The following SLC22A9 variants were observed in gnomAD, a reference collection of about 807,000 sequenced individuals.
The protein encoded by SLC22A9 is organic anion transporter 7.
A neutral mutation model predicts 50.1 loss-of-function variants in SLC22A9; 64 were observed. The observed-to-expected ratio is 1.28, with a 90% confidence interval of 1.04 to 1.57. SLC22A9 has a LOEUF of 1.57. Among genes scored for constraint, SLC22A9 ranks in the 40% most tolerant of loss-of-function variants. The pLI is 0.00. For synonymous variants in SLC22A9, 261 were observed against 242.5 expected (o/e 1.08, Z -0.71); for missense variants, 757 against 676.1 (o/e 1.12, Z -1.33).
chr11:63,397,068 G>T (rs983081332), intron 6 of SLC22A9, among the ~76,000 whole-genome samples: 2 of 152,298 alleles, frequency 1.3e-5, no homozygotes, highest in East Asian at 3.9e-4. Context: ...TTTCATCACT[G>T]CAGACATATG....
chr11:63,372,479 A>C (rs2119861572), intron 2 of SLC22A9, among the ~76,000 whole-genome samples: 1 of 152,290 alleles, frequency 6.6e-6, no homozygotes, highest in African/African-American at 2.4e-5. Context: ...CAACAAAAAG[A>C]TTACATACTA....
chr11:63,383,877 T>C (rs1287377575), intron 6 of SLC22A9, among the ~76,000 whole-genome samples: 4 of 151,958 alleles, frequency 2.6e-5, no homozygotes, highest in Non-Finnish European at 1.5e-5. Flanking sequence ...AGTGAAACCC[T>C]GTCTCTACTA....
At chr11:63,396,085 G>C (rs2014850520) in intron 6 of SLC22A9, among the ~76,000 whole-genome samples, 1 of 152,126 alleles carries the variant, frequency 6.6e-6, no homozygotes, top group Non-Finnish European at 1.5e-5. Context: ...CTGTTTTCCA[G>C]GCAGTGAGTG....
chr11:63,402,620 G>A (rs1591027521), intron 6 of SLC22A9, among the ~76,000 whole-genome samples: 1 of 150,968 alleles, frequency 6.6e-6, no homozygotes, highest in African/African-American at 2.4e-5. Context: ...ATTTACCCAT[G>A]TAACAAACCT....
intron 6 of SLC22A9, among the ~76,000 whole-genome samples, chr11:63,392,176 T>C (rs994813291): frequency 6.6e-6 from 1 of 152,076 alleles, no homozygotes; most frequent in Non-Finnish European, 1.5e-5. Context: ...GTATTTTCCA[T>C]GTCTGAAATT....
chr11:63,396,323 G>T (rs1565187866), intron 6 of SLC22A9, among the ~76,000 whole-genome samples: 1 of 152,124 alleles, frequency 6.6e-6, no homozygotes, highest in South Asian at 2.1e-4. Context: ...AAAGTGCCAG[G>T]CAGGAATGGC....
At chr11:63,394,603 T>A (rs1172467111) in intron 6 of SLC22A9, among the ~76,000 whole-genome samples, 1 of 152,200 alleles carries the variant, frequency 6.6e-6, no homozygotes, top group Non-Finnish European at 1.5e-5. Flanking sequence ...TCTGTTAATC[T>A]GATAGGTTTT....
In SLC22A9 at chr11:63,409,959, G is replaced by T. The variant is rs1194564928; in HGVS notation, c.*97G>T. ...GCAAAATCTAGAAAATAAATAACAA[G>T]GCTGGGTGCGGTGGCTCACGCCTGT... is the stretch of plus-strand genomic sequence containing the variant. On this transcript the variant is annotated 3_prime_UTR_variant, in exon 10 of 10. Coordinates refer to ENST00000279178, the MANE Select transcript of SLC22A9 (RefSeq NM_080866.3). 2.2e-6 allele frequency: 3 copies of T among 1,390,940 alleles called. No individual in the cohort carries two copies. In the Admixed American group the frequency reaches 5.5e-5, roughly 25 times the overall value. 86.2% of individuals were successfully genotyped at this position (1,390,940 alleles called of 1,614,324 possible). A position where few individuals can be genotyped will look rare whatever the true frequency, so the allele number is the denominator to read the frequency against.
At chr11:63,408,025 C>G in intron 7 of SLC22A9, 87 bp from the exon 8 acceptor site, 1 of 1,066,126 alleles carries the variant, frequency 9.4e-7, no homozygotes. Flanking sequence ...GCAAACACCT[C>G]CAATACAGTC....
intron 6 of SLC22A9, among the ~76,000 whole-genome samples, chr11:63,385,762 CTTCCGATTCAAA>C (rs1193766645): frequency 6.6e-6 from 1 of 152,060 alleles, no homozygotes; most frequent in East Asian, 1.9e-4. Context: ...GACTTCCTCT[CTTCCGATTCAAA>C]TACCCTTTAT....
intron 6 of SLC22A9, among the ~76,000 whole-genome samples, chr11:63,399,579 G>C (rs563759661): frequency 1.3e-5 from 2 of 152,200 alleles, no homozygotes; most frequent in South Asian, 4.1e-4. Flanking sequence ...TAAAGAGATA[G>C]ACCCCAGTAC....
intron 6 of SLC22A9, among the ~76,000 whole-genome samples, chr11:63,384,243 GGTAT>G (rs1327617112): frequency 3.9e-5 from 6 of 152,078 alleles, no homozygotes; most frequent in African/African-American, 1.4e-4. Flanking sequence ...TCATCACCTA[GGTAT>G]TAAGCCCAGT....
At position 63,374,177 on chromosome 11, in the gene SLC22A9, C is replaced by G. The variant is rs1043034932; in HGVS notation, c.830+115C>G. The stretch of plus-strand genomic sequence containing the variant: ...GTGTAAACCTGAGAGCACGTCCTCT[C>G]ATAATCTGTGCTTGATGTGCAATAC... On this transcript the variant is annotated intron_variant, in intron 4 of 9. Transcript: ENST00000279178. The G allele has an allele frequency of 5.0e-5, 50 of 997,308 alleles. No homozygotes were observed. The Admixed American group carries it at 9.7e-4, about 19-fold the overall frequency. The allele number at this position is 997,308 out of a possible 1,614,324, so 61.8% of individuals were successfully genotyped here.
chr11:63,402,531 T>G (rs1214307551), intron 6 of SLC22A9, among the ~76,000 whole-genome samples: 1 of 152,106 alleles, frequency 6.6e-6, no homozygotes, highest in Non-Finnish European at 1.5e-5. Context: ...GTTGTGTAGT[T>G]TGAAATCAGG....
Position 63,408,190 on chromosome 11 carries a change from A to G in SLC22A9, c.1367A>G (p.His456Arg), listed in dbSNP as rs778341606. 6.2e-7 allele frequency: 1 copy of G among 1,613,720 alleles called. No individual in the cohort carries two copies. Among genetic ancestry groups the G allele is most frequent in the African/African-American group, 1.3e-5 (1 of 75,026 alleles). ...SALANTLAFAHGNEVIPTIIR... is the reference protein window; with the variant it reads ...SALANTLAFARGNEVIPTIIR... ...CTTGCCAATACCCTTGCTTTTGCCC[A>G]TGGAAATGAAGTAATTCCCACCATA... The change falls in exon 8 of 10, where the codon CAT (histidine) becomes CGT (arginine). Residue 456 changes from histidine to arginine, a missense_variant. His to Arg is a conservative substitution (Grantham distance 29). Transcript: ENST00000279178.
chr11:63,383,974 G>A lies in SLC22A9; in HGVS notation c.1073+1697G>A, dbSNP rs150612422. Among the ~76,000 whole-genome samples, 929 of 151,948 alleles carry A rather than the reference G, an allele frequency of 6.1e-3. 11 individuals carry two copies. Among genetic ancestry groups the A allele is most frequent in the African/African-American group, 0.021 (850 of 41,392 alleles). ...TGAGGTAGGAGAATCACTTCAACCCGGGAGGTGGAGATTGCAGTGAGCTGA... is the reference window on the plus strand; with the variant it reads ...TGAGGTAGGAGAATCACTTCAACCCAGGAGGTGGAGATTGCAGTGAGCTGA... On this transcript the variant is annotated intron_variant, in intron 6 of 9. Transcript: ENST00000279178.
intron 6 of SLC22A9, among the ~76,000 whole-genome samples, chr11:63,401,060 A>G (rs1313575018): frequency 6.6e-6 from 1 of 152,158 alleles, no homozygotes; most frequent in Non-Finnish European, 1.5e-5. Context: ...GAATGGGGAA[A>G]AAAATGAAAG....
At chr11:63,397,602 T>C (rs1173860238) in intron 6 of SLC22A9, among the ~76,000 whole-genome samples, 1 of 151,980 alleles carries the variant, frequency 6.6e-6, no homozygotes, top group Non-Finnish European at 1.5e-5. Context: ...CAAAAGAAAG[T>C]CTTTTCCATT....
At chr11:63,402,070 A>G (rs761044191) in intron 6 of SLC22A9, among the ~76,000 whole-genome samples, 2 of 151,872 alleles carry the variant, frequency 1.3e-5, no homozygotes, top group Non-Finnish European at 2.9e-5. Context: ...TTGTCTGTTT[A>G]CTCTGGTGTT....
Sources: allele counts gnomAD v4.1 joint callset (sites outside exome capture counted in the v4.1 genomes callset), GRCh38; gene constraint gnomAD v4.1.1; transcripts MANE v1.5; gene names NCBI Gene and HGNC (gene_info 2026-07-23, HGNC 2026-07-21).